The following TAP1 variants were observed in gnomAD, a reference collection of about 807,000 sequenced individuals.
The protein encoded by TAP1 is transporter 1, ATP binding cassette subfamily B member.
TAP1 carries 56 observed loss-of-function variants against 79.3 expected under a neutral mutation model. The ratio of observed to expected loss-of-function variants is 0.71; its 90% CI spans 0.57 to 0.88. The LOEUF (loss-of-function observed/expected upper bound fraction) is 0.88. TAP1 is among the 40% of genes least tolerant of loss of function. The pLI is 0.00. For synonymous variants in TAP1, 355 were observed against 401.4 expected (o/e 0.88, Z 1.38); for missense variants, 737 against 936.3 (o/e 0.79, Z 2.78).
In TAP1 at chr6:32,849,119, C is replaced by A. The variant is rs1159721335; in HGVS notation, c.1249-1G>T. 6.3e-7 allele frequency: 1 copy of A among 1,576,810 alleles called. No homozygotes were observed. Among genetic ancestry groups the A allele is most frequent in the Admixed American group, 1.9e-5 (1 of 53,240 alleles). ...CCACTTTCAGCAGCATACCTGAAAT[C>A]TATAAAGAGACCACAAAAAAAGGGA... On this transcript the variant is annotated splice_acceptor_variant, in intron 5 of 10. Coordinates refer to ENST00000354258, the MANE Select transcript of TAP1 (RefSeq NM_000593.6). LOFTEE classifies it high-confidence loss of function.
At position 32,847,651 on chromosome 6, in the gene TAP1, G is replaced by A; in HGVS notation, c.1765C>T (p.Gln589Ter). 3 of 1,613,880 alleles carry A rather than the reference G, an allele frequency of 1.9e-6. No individual in the cohort carries two copies. The South Asian group carries it at 3.3e-5, about 18-fold the overall frequency. The change falls in exon 9 of 11, where the codon CAG (glutamine) becomes TAG (stop). Residue 589 changes from glutamine to a stop codon, truncating the protein, a stop_gained. Coordinates refer to ENST00000354258, the MANE Select transcript of TAP1 (RefSeq NM_000593.6). LOFTEE classifies it high-confidence loss of function. The surrounding 1 kb of genome is among the most constrained non-coding windows in gnomAD (Gnocchi z 4.7). ...RQVAAVGQEPQVFGRSLQENI... is the reference protein window; with the variant it reads ...RQVAAVGQEP The stretch of plus-strand genomic sequence containing the variant: ...TCTTGAAGACTTCTTCCAAATACCT[G>A]TGGCTCTTGTCCCACTGCAGCCACC...
At chr6:32,849,153 G>C in intron 5 of TAP1, 35 bp from the exon 6 acceptor site, 1 of 1,558,974 alleles carries the variant, frequency 6.4e-7, no homozygotes, top group Non-Finnish European at 8.7e-7. Flanking sequence ...GACTGAGGTA[G>C]AGAAATCTGG....
chr6:32,851,860 G>C lies in TAP1; in HGVS notation c.844+249C>G, dbSNP rs1010828661. Among the ~76,000 whole-genome samples, 1 of 152,028 alleles carries C rather than the reference G, an allele frequency of 6.6e-6. No individual in the cohort carries two copies. The highest frequency in any genetic ancestry group is 2.4e-5 in the African/African-American group (1 of 41,370). Reference sequence around the variant, plus strand: ...AACTCTAGGTTTTTCTTAAGGTAAGGAGGACAATATTTTGCTCCTGAGGTA... The same window carrying C: ...AACTCTAGGTTTTTCTTAAGGTAAGCAGGACAATATTTTGCTCCTGAGGTA... On this transcript the variant is annotated intron_variant, in intron 3 of 10. Coordinates refer to ENST00000354258, the MANE Select transcript of TAP1 (RefSeq NM_000593.6). This position sits in a 1 kb window ranked among gnomAD's most constrained non-coding sequence, Gnocchi z 4.8.
chr6:32,851,976 T>C lies in TAP1; in HGVS notation c.844+133A>G. On this transcript the variant is annotated intron_variant, in intron 3 of 10. Transcript: ENST00000354258. The surrounding 1 kb of genome is among the most constrained non-coding windows in gnomAD (Gnocchi z 4.8). ...CAGAGAGAGAGAGACAGGGAGAGGG[T>C]ATATCAAGAATGAGAAGGAACAATG... The C allele has an allele frequency of 4.5e-6, 5 of 1,118,398 alleles. No homozygotes were observed. Among genetic ancestry groups the C allele is most frequent in the Non-Finnish European group, 5.3e-6 (4 of 760,952 alleles). The allele number at this position is 1,118,398 out of a possible 1,614,324, so 69.3% of individuals were successfully genotyped here.
chr6:32,850,453 G>T lies in TAP1; in HGVS notation c.1115C>A (p.Ser372Ter). Residue 372 changes from serine (S) to a stop codon, truncating the protein, a stop_gained, in exon 5 of 11, where the codon TCG (serine) becomes TAG (stop). Coordinates refer to ENST00000354258, the MANE Select transcript of TAP1 (RefSeq NM_000593.6). LOFTEE classifies it high-confidence loss of function. This position sits in a 1 kb window ranked among gnomAD's most constrained non-coding sequence, Gnocchi z 5.5. Reference sequence around the variant, plus strand: ...AAAGCTTCGAACTGTAGGCATGGCCGACAGAGCCTCAATGGCCACCTGGCT... The same window carrying T: ...AAAGCTTCGAACTGTAGGCATGGCCTACAGAGCCTCAATGGCCACCTGGCT... Reference protein sequence around the residue: ...KSSQVAIEALSAMPTVRSFAN... With the variant: ...KSSQVAIEAL The T allele has an allele frequency of 6.2e-7, 1 of 1,614,178 alleles. No individual in the cohort carries two copies. Among genetic ancestry groups the T allele is most frequent in the South Asian group, 1.1e-5 (1 of 91,080 alleles).
In TAP1 at chr6:32,853,420, A is replaced by G; in HGVS notation, c.217T>C (p.Cys73Arg). Residue 73 changes from cysteine (C) to arginine (R), a missense_variant, in exon 1 of 11, where the codon TGC becomes CGC. Cys to Arg is a radical substitution (Grantham distance 180, BLOSUM62 -3). This residue lies in a region of TAP1 where 406 missense variants were observed against 477.2 expected (regional missense o/e 0.85). Transcript: ENST00000354258. This position sits in a 1 kb window ranked among gnomAD's most constrained non-coding sequence, Gnocchi z 8.3. The stretch of plus-strand genomic sequence containing the variant: ...CCAACCGTTGCCCTGAGGACCCCGC[A>G]GGCCCCCAGCCAGAGCACGGCCCAG... ...SRWAVLWLGA[C>R]GVLRATVGSK... The G allele has an allele frequency of 1.9e-6, 3 of 1,611,338 alleles. No homozygotes were observed. The highest frequency in any genetic ancestry group is 2.5e-6 in the Non-Finnish European group (3 of 1,179,334).
Position 32,852,526 on chromosome 6 carries a change from C to T in TAP1, c.599-24G>A. 6.2e-7 allele frequency: 1 copy of T among 1,612,840 alleles called. No homozygotes were observed. Among genetic ancestry groups the T allele is most frequent in the Non-Finnish European group, 8.5e-7 (1 of 1,179,906 alleles). Reference sequence around the variant, plus strand: ...CCCTGGAGAAAGAGAAGAGAGGTCACGCACAAATATTAAGTCTAAGTAGGT... The same window carrying T: ...CCCTGGAGAAAGAGAAGAGAGGTCATGCACAAATATTAAGTCTAAGTAGGT... On this transcript the variant is annotated intron_variant, in intron 1 of 10. Coordinates refer to ENST00000354258, the MANE Select transcript of TAP1 (RefSeq NM_000593.6). The surrounding 1 kb of genome is among the most constrained non-coding windows in gnomAD (Gnocchi z 4.8).
chr6:32,848,761 G>A lies in TAP1; in HGVS notation c.1457C>T (p.Pro486Leu), dbSNP rs1198262227. ...EKIFEYLDRT[P>L]RCPPSGLLTP... ...CAACAGACCACTGGGTGGGCAGCGA[G>A]GGGTGCGGTCCAGGTACTCAAATAT... The change falls in exon 7 of 11, where the codon CCT (proline) becomes CTT (leucine). Residue 486 changes from proline (P) to leucine (L), a missense_variant. This residue lies in a region of TAP1 where 266 missense variants were observed against 332.4 expected (regional missense o/e 0.80). Coordinates refer to ENST00000354258, the MANE Select transcript of TAP1 (RefSeq NM_000593.6). The A allele has an allele frequency of 1.9e-6, 3 of 1,614,012 alleles. No individual in the cohort carries two copies. Among genetic ancestry groups the A allele is most frequent in the African/African-American group, 1.3e-5 (1 of 74,898 alleles).
rs753812763 is a variant in TAP1 at position 32,850,469 on chromosome 6, C to T, written c.1099G>A (p.Ala367Thr). Residue 367 changes from alanine (A) to threonine (T), a missense_variant, in exon 5 of 11, where the codon GCC becomes ACC. Physicochemically the swap from Ala to Thr is moderately conservative, Grantham distance 58. Around this residue, in one of 5 missense-constraint regions of TAP1, gnomAD observed 406 missense variants for 477.2 expected, o/e 0.85. Transcript: ENST00000354258. This position sits in a 1 kb window ranked among gnomAD's most constrained non-coding sequence, Gnocchi z 5.5. ...RESLAKSSQV[A>T]IEALSAMPTV... Reference sequence around the variant, plus strand: ...GGCATGGCCGACAGAGCCTCAATGGCCACCTGGCTGGACTTTGCCAGAGAT... The same window carrying T: ...GGCATGGCCGACAGAGCCTCAATGGTCACCTGGCTGGACTTTGCCAGAGAT... 2 of 1,614,098 alleles carry T rather than the reference C, an allele frequency of 1.2e-6. No homozygotes were observed. Among genetic ancestry groups the T allele is most frequent in the Non-Finnish European group, 8.5e-7 (1 of 1,180,046 alleles).
In TAP1 at chr6:32,848,105, G is replaced by C. The variant is rs745320898; in HGVS notation, c.1567-13C>G. The C allele has an allele frequency of 3.2e-6, 5 of 1,584,420 alleles. No individual in the cohort carries two copies. The highest frequency in any genetic ancestry group is 1.7e-4 in the Middle Eastern group (1 of 5,988). On this transcript the variant is annotated splice_polypyrimidine_tract_variant and intron_variant, in intron 7 of 10. Transcript: ENST00000354258. ...TGAATGTCAGCCCCTAGAGGCCAGA[G>C]AAGCACACGATAAGAGGCTACCAAG...
rs1183972057 is a variant in TAP1, at chr6:32,853,231, G to T, written c.406C>A (p.His136Asn). The T allele has an allele frequency of 5.0e-6, 8 of 1,608,476 alleles. No individual in the cohort carries two copies. The highest frequency in any genetic ancestry group is 1.1e-5 in the South Asian group (1 of 90,310). ...TAACTGACAACGAAGGCGGTAGGGT[G>T]ACTTCCCCAGTGCAGTAGCCTGGTG... is the stretch of plus-strand genomic sequence containing the variant. ...DSTRLLHWGSHPTAFVVSYAA... is the reference protein window; with the variant it reads ...DSTRLLHWGSNPTAFVVSYAA... The change falls in exon 1 of 11, where the codon CAC becomes AAC. Residue 136 changes from histidine (H) to asparagine (N), a missense_variant. Around this residue, in one of 5 missense-constraint regions of TAP1, gnomAD observed 406 missense variants for 477.2 expected, o/e 0.85. Coordinates refer to ENST00000354258, the MANE Select transcript of TAP1 (RefSeq NM_000593.6). The surrounding 1 kb of genome is among the most constrained non-coding windows in gnomAD (Gnocchi z 8.3).
Position 32,850,242 on chromosome 6 carries a change from G to A in TAP1, c.1248+78C>T. ...CCATTTCCCAGTAAAGGAGGAGTGG[G>A]AGCAGGGTCATAGGAATGGGAATGG... is the stretch of plus-strand genomic sequence containing the variant. On this transcript the variant is annotated intron_variant, in intron 5 of 10. Transcript: ENST00000354258. The surrounding 1 kb of genome is among the most constrained non-coding windows in gnomAD (Gnocchi z 5.5). The A allele has an allele frequency of 6.7e-7, 1 of 1,483,958 alleles. No homozygotes were observed. The highest frequency in any genetic ancestry group is 9.4e-7 in the Non-Finnish European group (1 of 1,062,630). 91.9% of individuals were successfully genotyped at this position (1,483,958 alleles called of 1,614,324 possible).
rs1438127152 is a variant in TAP1, at chr6:32,852,965, C to T, written c.598+74G>A. 1 of 1,535,494 alleles carries T rather than the reference C, an allele frequency of 6.5e-7. No homozygotes were observed. Among genetic ancestry groups the T allele is most frequent in the Non-Finnish European group, 8.7e-7 (1 of 1,145,558 alleles). On this transcript the variant is annotated intron_variant, in intron 1 of 10. Transcript: ENST00000354258. This position sits in a 1 kb window ranked among gnomAD's most constrained non-coding sequence, Gnocchi z 4.8. ...ATTTCCCAGAACCCACGCTACTCTA[C>T]CTTACTGACAATTACCTTTGATTCC...
Position 32,853,280 on chromosome 6 carries a change from C to G in TAP1, c.357G>C (p.Trp119Cys). ...TGCTATCCGCGGACCCGGGGGCTCCCCATGAGATCAGCTCTCGGAACAAGG... is the reference window on the plus strand; with the variant it reads ...TGCTATCCGCGGACCCGGGGGCTCCGCATGAGATCAGCTCTCGGAACAAGG... ...GLALFRELIS[W>C]GAPGSADSTR... The change falls in exon 1 of 11, where the codon TGG becomes TGC. Residue 119 changes from tryptophan to cysteine, a missense_variant. Around this residue, in one of 5 missense-constraint regions of TAP1, gnomAD observed 406 missense variants for 477.2 expected, o/e 0.85. Coordinates refer to ENST00000354258, the MANE Select transcript of TAP1 (RefSeq NM_000593.6). This position sits in a 1 kb window ranked among gnomAD's most constrained non-coding sequence, Gnocchi z 8.3. 6.3e-7 allele frequency: 1 copy of G among 1,585,980 alleles called. No individual in the cohort carries two copies. The highest frequency in any genetic ancestry group is 8.6e-7 in the Non-Finnish European group (1 of 1,165,480).
Position 32,852,092 on chromosome 6 carries a change from AGAGTT to A in TAP1, c.844+12_844+16del. On this transcript the variant is annotated intron_variant, in intron 3 of 10. Coordinates refer to ENST00000354258, the MANE Select transcript of TAP1 (RefSeq NM_000593.6). The surrounding 1 kb of genome is among the most constrained non-coding windows in gnomAD (Gnocchi z 4.8). Reference sequence around the variant, plus strand: ...TGAACAGTACATGGCGTATAATGAAAGAGTTTCAGGAGAAACCTGTCTGGTTCTGT... The same window carrying A: ...TGAACAGTACATGGCGTATAATGAAATCAGGAGAAACCTGTCTGGTTCTGT... 2 of 1,613,010 alleles carry A rather than the reference AGAGTT, an allele frequency of 1.2e-6. No homozygotes were observed. Among genetic ancestry groups the A allele is most frequent in the Non-Finnish European group, 1.7e-6 (2 of 1,180,036 alleles).
rs1770858420 is a variant in TAP1 at position 32,852,572 on chromosome 6, C to G, written c.599-70G>C. On this transcript the variant is annotated intron_variant, in intron 1 of 10. Coordinates refer to ENST00000354258, the MANE Select transcript of TAP1 (RefSeq NM_000593.6). This position sits in a 1 kb window ranked among gnomAD's most constrained non-coding sequence, Gnocchi z 4.8. ...TAGGTCAGTTCCAGTCAGACTGGCC[C>G]CACCACGCCTCCTCCCCCTCACCAT... 2 of 1,593,936 alleles carry G rather than the reference C, an allele frequency of 1.3e-6. No homozygotes were observed. Among genetic ancestry groups the G allele is most frequent in the Non-Finnish European group, 1.7e-6 (2 of 1,170,788 alleles).
At position 32,849,111 on chromosome 6, in the gene TAP1, C is replaced by T; in HGVS notation, c.1256G>A (p.Gly419Asp). Reference sequence around the variant, plus strand: ...GAGGATTCCCACTTTCAGCAGCATACCTGAAATCTATAAAGAGACCACAAA... The same window carrying T: ...GAGGATTCCCACTTTCAGCAGCATATCTGAAATCTATAAAGAGACCACAAA... ...AVNSWTTSIS[G>D]MLLKVGILYI... Residue 419 changes from glycine to aspartate, a missense_variant, in exon 6 of 11, where the codon GGT becomes GAT. Transcript: ENST00000354258. The T allele has an allele frequency of 1.3e-6, 2 of 1,581,624 alleles. No homozygotes were observed. Among genetic ancestry groups the T allele is most frequent in the Non-Finnish European group, 1.7e-6 (2 of 1,163,742 alleles).
At position 32,850,841 on chromosome 6, in the gene TAP1, A is replaced by C; in HGVS notation, c.1050+103T>G. On this transcript the variant is annotated intron_variant, in intron 4 of 10. Coordinates refer to ENST00000354258, the MANE Select transcript of TAP1 (RefSeq NM_000593.6). The surrounding 1 kb of genome is among the most constrained non-coding windows in gnomAD (Gnocchi z 5.5). ...GTTCCATGAAGATGGAGAATCAGTAAGGGTGCCAGGAAAGCTGGACTGAAA... is the reference window on the plus strand; with the variant it reads ...GTTCCATGAAGATGGAGAATCAGTACGGGTGCCAGGAAAGCTGGACTGAAA... 9.1e-7 allele frequency: 1 copy of C among 1,101,804 alleles called. No individual in the cohort carries two copies. Among genetic ancestry groups the C allele is most frequent in the Non-Finnish European group, 1.4e-6 (1 of 717,064 alleles). 68.3% of individuals were successfully genotyped at this position (1,101,804 alleles called of 1,614,324 possible).
chr6:32,848,543 G>T, intron 7 of TAP1, 109 bp downstream of exon 7: 2 of 1,223,302 alleles, frequency 1.6e-6, no homozygotes, highest in Non-Finnish European at 2.4e-6. Context: ...CCTTTAAAGG[G>T]TTAGGGAGGA....
Sources: gnomAD v4.1 joint callset for allele counts (sites outside exome capture counted in the v4.1 genomes callset) on GRCh38, gnomAD v4.1.1 for gene constraint, gnomAD v4.1.1 regional missense constraint, Gnocchi (gnomAD v3.1) non-coding constraint, MANE v1.5 for transcripts, NCBI Gene and HGNC (gene_info 2026-07-23, HGNC 2026-07-21) for gene names.